ZNF680: variants seen among roughly 807,000 people sequenced by gnomAD.
ZNF680 encodes zinc finger protein 680.
A neutral mutation model predicts 12.1 loss-of-function variants in ZNF680; 6 were observed. The observed-to-expected ratio is 0.49, with a 90% CI of 0.27 to 0.98. ZNF680 has a LOEUF of 0.98. Ranked by LOEUF, ZNF680 falls within the 50% of genes least tolerant of loss-of-function variation. The pLI, the probability that ZNF680 is intolerant of heterozygous loss-of-function variation, is 0.12. For synonymous variants in ZNF680, 170 were observed against 199.3 expected (o/e 0.85, Z 1.24); for missense variants, 561 against 616.3 (o/e 0.91, Z 0.95).
Position 64,546,480 on chromosome 7 carries a change from G to A in ZNF680, c.31-2048C>T, listed in dbSNP as rs144772161. ...TTCTCGGCCAGGCACAGTGGCTCAG[G>A]CCAATAATCCTAGCATACCGGGAGG... On this transcript the variant is annotated intron_variant, in intron 1 of 3. Coordinates refer to ENST00000309683, the MANE Select transcript of ZNF680 (RefSeq NM_178558.5). Among the ~76,000 whole-genome samples the A allele has an allele frequency of 2.5e-3, 374 of 152,278 alleles. 1 individual carries two copies. Among genetic ancestry groups the A allele is most frequent in the Non-Finnish European group, 4.1e-3 (282 of 68,030 alleles).
intron 3 of ZNF680, among the ~76,000 whole-genome samples, chr7:64,540,800 CA>C (rs1196453945): frequency 6.6e-6 from 1 of 151,940 alleles, no homozygotes; most frequent in African/African-American, 2.4e-5. Context: ...ATTTATGTGC[CA>C]TTAAAAAATT....
chr7:64,548,234 T>C (rs771362312), intron 1 of ZNF680, among the ~76,000 whole-genome samples: 39 of 152,228 alleles, frequency 2.6e-4, no homozygotes, highest in Non-Finnish European at 4.3e-4. Flanking sequence ...GGGTAATTTA[T>C]TAGGACATAA....
At position 64,543,712 on chromosome 7, in the gene ZNF680, G is replaced by T. The variant is rs1786627604; in HGVS notation, c.248C>A (p.Pro83His). Residue 83 changes from proline to histidine, a missense_variant, in exon 3 of 4, where the codon CCC (proline) becomes CAC (histidine). Transcript: ENST00000309683. ...TCACTATCACTCTCACCTACCTGGGGGTTTGGCTACCATCTCCTGTCTCTT... is the reference window on the plus strand; with the variant it reads ...TCACTATCACTCTCACCTACCTGGGTGTTTGGCTACCATCTCCTGTCTCTT... ...NRKRQEMVAK[P>H]PVIYSHFTED... The T allele has an allele frequency of 6.2e-7, 1 of 1,612,670 alleles. No individual in the cohort carries two copies. Among genetic ancestry groups the T allele is most frequent in the African/African-American group, 1.3e-5 (1 of 74,840 alleles).
chr7:64,506,025 C>A, the ZNF680 span, among the ~76,000 whole-genome samples: 1 of 152,022 alleles, frequency 6.6e-6, no homozygotes, highest in South Asian at 2.1e-4. Context: ...GCCACAAAGG[C>A]AACACATTAG....
intron 1 of ZNF680, among the ~76,000 whole-genome samples, chr7:64,552,618 T>C (rs920345863): frequency 1.3e-5 from 2 of 152,228 alleles, no homozygotes; most frequent in Non-Finnish European, 2.9e-5. Context: ...ATAAGTTTTA[T>C]TTGGATATTA....
intron 3 of ZNF680, among the ~76,000 whole-genome samples, chr7:64,531,419 C>T (rs1172336227): frequency 1.3e-5 from 2 of 151,892 alleles, no homozygotes; most frequent in African/African-American, 4.8e-5. Context: ...CATGGGGAAA[C>T]CCCGTCCCTA....
chr7:64,525,912 T>C (rs953513020), intron 3 of ZNF680: 73 of 984,924 alleles, frequency 7.4e-5, no homozygotes, highest in Non-Finnish European at 8.7e-5. Flanking sequence ...AAAATATTTA[T>C]ACAGGTAAAC....
chr7:64,540,683 A>G (rs1419620442), intron 3 of ZNF680, among the ~76,000 whole-genome samples: 1 of 152,232 alleles, frequency 6.6e-6, no homozygotes, highest in Non-Finnish European at 1.5e-5. Context: ...TAAGTAAAAC[A>G]AAAAATCACA....
chr7:64,514,317 T>C, the ZNF680 span, among the ~76,000 whole-genome samples: 1,085 of 152,332 alleles, frequency 7.1e-3, 11 homozygotes, highest in African/African-American at 0.025. Context: ...AAGATTCTAA[T>C]GTCTAAATGT....
chr7:64,521,399 T>C lies in ZNF680; in HGVS notation c.1355A>G (p.His452Arg). Residue 452 changes from histidine to arginine, a missense_variant, in exon 4 of 4, where the codon CAT becomes CGT. Transcript: ENST00000309683. ...TTTCTCTCCAGTATGAATTACTTTA[T>C]GGTTAGTAAGGGTTGAAAATAAAGT... is the stretch of plus-strand genomic sequence containing the variant. ...GFTLFSTLTNHKVIHTGEKSY... is the reference protein window; with the variant it reads ...GFTLFSTLTNRKVIHTGEKSY... 6.2e-7 allele frequency: 1 copy of C among 1,613,714 alleles called. No homozygotes were observed. The highest frequency in any genetic ancestry group is 1.7e-4 in the Middle Eastern group (1 of 6,058).
At chr7:64,513,653 T>TAA in the ZNF680 span, among the ~76,000 whole-genome samples, 3 of 151,664 alleles carry the variant, frequency 2.0e-5, no homozygotes, top group Non-Finnish European at 4.4e-5. Context: ...ATTAAAAATT[T>TAA]TTTTTTTTTT....
chr7:64,526,414 G>C (rs1283522885), intron 3 of ZNF680: 4 of 1,488,232 alleles, frequency 2.7e-6, no homozygotes, highest in Non-Finnish European at 3.6e-6. Context: ...TAGTAGCCTG[G>C]CAAAGTGGAT....
chr7:64,521,939 C>T lies in ZNF680; in HGVS notation c.815G>A (p.Gly272Asp), dbSNP rs771336818. ...EEKPFKCEEC[G>D]KAFSLFSILS... The stretch of plus-strand genomic sequence containing the variant: ...GATTGAGAATAAACTAAAGGCTTTG[C>T]CACATTCTTCACATTTGAAGGGTTT... Residue 272 changes from glycine (G) to aspartate (D), a missense_variant, in exon 4 of 4, where the codon GGC becomes GAC. Coordinates refer to ENST00000309683, the MANE Select transcript of ZNF680 (RefSeq NM_178558.5). 1.8e-5 allele frequency: 29 copies of T among 1,612,864 alleles called. No homozygotes were observed. The Middle Eastern group carries it at 6.6e-4, about 37-fold the overall frequency.
At chr7:64,537,915 G>T (rs1458963814) in intron 3 of ZNF680, among the ~76,000 whole-genome samples, 1 of 151,940 alleles carries the variant, frequency 6.6e-6, no homozygotes, top group Non-Finnish European at 1.5e-5. Flanking sequence ...GGGTGACACA[G>T]CAAGACTCCA....
chr7:64,544,928 C>T (rs1168417365), intron 1 of ZNF680, among the ~76,000 whole-genome samples: 1 of 151,880 alleles, frequency 6.6e-6, no homozygotes, highest in Non-Finnish European at 1.5e-5. Context: ...TGTTTTTGGC[C>T]CAAGAAGAGT....
chr7:64,540,749 CAATA>C (rs1403557007), intron 3 of ZNF680, among the ~76,000 whole-genome samples: 2 of 146,482 alleles, frequency 1.4e-5, no homozygotes, highest in African/African-American at 5.0e-5. Context: ...AACTGCAAAA[CAATA>C]ACTAAAGAAG....
At chr7:64,524,939 AAAAT>A (rs1385898256) in intron 3 of ZNF680, 10 of 151,418 alleles carry the variant, frequency 6.6e-5, no homozygotes, top group African/African-American at 2.2e-4. Flanking sequence ...TTGAAATGTT[AAAAT>A]AATTAATCTT....
chr7:64,527,998 G>C (rs140679312), intron 3 of ZNF680, among the ~76,000 whole-genome samples: 1 of 152,174 alleles, frequency 6.6e-6, no homozygotes, highest in East Asian at 1.9e-4. Flanking sequence ...CTGCAGAAGT[G>C]GAAAAGGGAG....
At chr7:64,547,686 G>A (rs1024799522) in intron 1 of ZNF680, among the ~76,000 whole-genome samples, 1 of 152,140 alleles carries the variant, frequency 6.6e-6, no homozygotes, top group Non-Finnish European at 1.5e-5. Context: ...GAGGGATACA[G>A]AAAAGCTTAA....
Sources: allele counts gnomAD v4.1 joint callset (sites outside exome capture counted in the v4.1 genomes callset), GRCh38; gene constraint gnomAD v4.1.1; transcripts MANE v1.5; gene names NCBI Gene and HGNC (gene_info 2026-07-23, HGNC 2026-07-21).